Variants in RALYL observed in about 807,000 individuals in gnomAD.
RALYL encodes the protein RALY RNA binding protein like, also known as RNA-binding Raly-like protein.
A neutral mutation model predicts 35.1 loss-of-function variants in RALYL; 29 were observed. The ratio of observed to expected loss-of-function variants is 0.83; its 90% CI spans 0.61 to 1.13. RALYL has a LOEUF of 1.13. Among genes scored for constraint, RALYL ranks in the 50% most tolerant of loss-of-function variants. The probability of loss-of-function intolerance (pLI) is 0.00; values close to 1 mark genes in which losing one functional copy is unlikely to be tolerated. For missense variants in RALYL, 359 were observed against 360.4 expected (o/e 1.00, Z 0.03); for synonymous variants, 120 against 127.6 (o/e 0.94, Z 0.40).
intron 2 of RALYL, among the ~76,000 whole-genome samples, chr8:84,609,195 A>G (rs975257080): frequency 5.9e-5 from 9 of 152,148 alleles, no homozygotes; most frequent in African/African-American, 1.7e-4. Flanking sequence ...TATAAGATCT[A>G]TTGAATCCCT....
At chr8:84,719,977 AC>A (rs949196727) in intron 2 of RALYL, among the ~76,000 whole-genome samples, 16 of 152,084 alleles carry the variant, frequency 1.1e-4, no homozygotes, top group African/African-American at 3.6e-4. Flanking sequence ...CTTCAATGAG[AC>A]CAGCATTTTT....
At chr8:84,433,205 A>G (rs1375611254) in intron 1 of RALYL, among the ~76,000 whole-genome samples, 1 of 152,112 alleles carries the variant, frequency 6.6e-6, no homozygotes, top group Non-Finnish European at 1.5e-5. Flanking sequence ...CAGGAGACAA[A>G]TATGTGCCTT....
At chr8:84,642,702 C>T (rs1364588722) in intron 2 of RALYL, among the ~76,000 whole-genome samples, 2 of 152,016 alleles carry the variant, frequency 1.3e-5, no homozygotes, top group African/African-American at 2.4e-5. Flanking sequence ...TGTTTTTCCC[C>T]TTCAGGGCTG....
chr8:84,659,365 C>T (rs935905203), intron 2 of RALYL, among the ~76,000 whole-genome samples: 2 of 151,954 alleles, frequency 1.3e-5, no homozygotes, highest in African/African-American at 2.4e-5. Flanking sequence ...TGCGGTGTTC[C>T]CCATTAGGCC....
chr8:84,811,631 T>A (rs1825932675), intron 4 of RALYL, among the ~76,000 whole-genome samples: 2 of 152,220 alleles, frequency 1.3e-5, no homozygotes, highest in South Asian at 4.1e-4. Flanking sequence ...TAGATTTCTC[T>A]TCTTCCTCAG....
At chr8:84,214,809 T>G (rs2131220115) in intron 1 of RALYL, among the ~76,000 whole-genome samples, 1 of 152,316 alleles carries the variant, frequency 6.6e-6, no homozygotes, top group African/African-American at 2.4e-5. Context: ...AGAGTAATTT[T>G]TACCTATTGC....
intron 1 of RALYL, among the ~76,000 whole-genome samples, chr8:84,191,398 A>C (rs1350450601): frequency 6.6e-6 from 1 of 152,230 alleles, no homozygotes; most frequent in Non-Finnish European, 1.5e-5. Context: ...TTTACTAGCT[A>C]TGTCTACTGA....
intron 2 of RALYL, among the ~76,000 whole-genome samples, chr8:84,647,812 T>A (rs1827820597): frequency 6.6e-6 from 1 of 152,074 alleles, no homozygotes; most frequent in Admixed American, 6.6e-5. Context: ...TGGAGAGATG[T>A]TCAGAATTTT....
chr8:84,603,192 G>A lies in RALYL; in HGVS notation c.256+73615G>A, dbSNP rs528971295. ...TTCTAGAAGTGATCAGGCCAGTGGG[G>A]TAGGAGAATAAGGAATGAGAAAGGT... On this transcript the variant is annotated intron_variant, in intron 2 of 8. Coordinates refer to ENST00000521268, the MANE Select transcript of RALYL (RefSeq NM_173848.7). Among the ~76,000 whole-genome samples, 34 of 152,154 alleles carry A rather than the reference G, an allele frequency of 2.2e-4. 1 individual carries two copies. In the South Asian group the frequency reaches 7.0e-3, roughly 32 times the overall value.
chr8:84,477,081 T>C (rs1326764263), intron 1 of RALYL, among the ~76,000 whole-genome samples: 1 of 152,096 alleles, frequency 6.6e-6, no homozygotes, highest in African/African-American at 2.4e-5. Context: ...GAGGCTTTCT[T>C]TTCTTTGGTG....
chr8:84,204,202 G>T (rs1457914725), intron 1 of RALYL, among the ~76,000 whole-genome samples: 4 of 151,424 alleles, frequency 2.6e-5, no homozygotes, highest in African/African-American at 9.7e-5. Context: ...TTACCCAAAA[G>T]ATCTGAATAA....
At chr8:84,286,012 C>T (rs182152816) in intron 1 of RALYL, among the ~76,000 whole-genome samples, 6 of 152,166 alleles carry the variant, frequency 3.9e-5, no homozygotes, top group Admixed American at 3.9e-4. Flanking sequence ...TTTAGATCAC[C>T]CAGATCACAG....
chr8:84,778,708 T>C (rs1467371186), intron 3 of RALYL, among the ~76,000 whole-genome samples: 1 of 152,172 alleles, frequency 6.6e-6, no homozygotes, highest in African/African-American at 2.4e-5. Flanking sequence ...GCTGTGAATA[T>C]ATCTATATAT....
Position 84,776,725 on chromosome 8 carries a change from T to G in RALYL, c.332+2071T>G, listed in dbSNP as rs1427286916. Among the ~76,000 whole-genome samples the G allele has an allele frequency of 2.0e-5, 3 of 152,332 alleles. No homozygotes were observed. In the East Asian group the frequency reaches 5.8e-4, roughly 29 times the overall value. On this transcript the variant is annotated intron_variant, in intron 3 of 8. Coordinates refer to ENST00000521268, the MANE Select transcript of RALYL (RefSeq NM_173848.7). ...ATGTTAATTTTCATATTTTCTCTTT[T>G]CTTGGATTGTTTTGATTTTCTTATG...
intron 1 of RALYL, among the ~76,000 whole-genome samples, chr8:84,204,212 A>G (rs1216821932): frequency 6.6e-6 from 1 of 152,102 alleles, no homozygotes; most frequent in Non-Finnish European, 1.5e-5. Flanking sequence ...GATCTGAATA[A>G]ATATTGGAAT....
At chr8:84,337,525 C>T (rs1213813615) in intron 1 of RALYL, among the ~76,000 whole-genome samples, 1 of 151,994 alleles carries the variant, frequency 6.6e-6, no homozygotes, top group Non-Finnish European at 1.5e-5. Context: ...TACATGGCTA[C>T]AGTAAGACTG....
chr8:84,847,713 A>G (rs1834957186), intron 4 of RALYL, among the ~76,000 whole-genome samples: 1 of 152,172 alleles, frequency 6.6e-6, no homozygotes, highest in Non-Finnish European at 1.5e-5. Context: ...TCCTTCTTAC[A>G]CTTTAGGCAG....
chr8:84,445,463 A>G (rs783791), intron 1 of RALYL, among the ~76,000 whole-genome samples: 70,746 of 151,602 alleles, frequency 0.47, 16,612 homozygotes, highest in Middle Eastern at 0.55. Flanking sequence ...CACTGCCAGA[A>G]CAATATATTT....
chr8:84,469,498 G>A lies in RALYL; in HGVS notation c.-23-59801G>A, dbSNP rs560512449. Among the ~76,000 whole-genome samples, 17 of 152,322 alleles carry A rather than the reference G, an allele frequency of 1.1e-4. No individual in the cohort carries two copies. In the East Asian group the frequency reaches 1.6e-3, roughly 14 times the overall value. On this transcript the variant is annotated intron_variant, in intron 1 of 8. Coordinates refer to ENST00000521268, the MANE Select transcript of RALYL (RefSeq NM_173848.7). ...ACCCACTTGAGGAGGCAGTCTGCCC[G>A]TCCTGAGATCTCCAGCTGCGTCCTG...
Sources: gnomAD v4.1 joint callset for allele counts (sites outside exome capture counted in the v4.1 genomes callset) on GRCh38, gnomAD v4.1.1 for gene constraint, MANE v1.5 for transcripts, NCBI Gene and HGNC (gene_info 2026-07-23, HGNC 2026-07-21) for gene names.